Variants in GALNT13 observed in about 807,000 individuals in gnomAD.
The protein encoded by GALNT13 is polypeptide N-acetylgalactosaminyltransferase 13, also known as UDP-GalNAc:polypeptide N-acetylgalactosaminyltransferase 13.
In GALNT13, 28 loss-of-function variants were observed where a neutral mutation model predicts 64.2. The observed-to-expected ratio is 0.44, with a 90% CI of 0.32 to 0.60. GALNT13 has a LOEUF of 0.60. Among genes scored for constraint, GALNT13 ranks in the 20% least tolerant of loss-of-function variants. GALNT13 has a pLI of 0.05. For missense variants in GALNT13, 577 were observed against 669.8 expected (o/e 0.86, Z 1.53); for synonymous variants, 214 against 224.6 (o/e 0.95, Z 0.42).
chr2:153,652,051 G>A, the GALNT13 span, among the ~76,000 whole-genome samples: 1 of 152,096 alleles, frequency 6.6e-6, no homozygotes, highest in Admixed American at 6.6e-5. Flanking sequence ...AGAGCAGCAA[G>A]AGTTATCATC....
chr2:153,845,602 GATATTTAAACT>G, the GALNT13 span, among the ~76,000 whole-genome samples: 6 of 152,278 alleles, frequency 3.9e-5, no homozygotes, highest in South Asian at 2.1e-4. Context: ...GACGGGGACA[GATATTTAAACT>G]ATATCAAGAG....
At chr2:154,072,699 T>A (rs1418859489) in intron 3 of GALNT13, among the ~76,000 whole-genome samples, 6 of 152,040 alleles carry the variant, frequency 3.9e-5, no homozygotes, top group African/African-American at 1.2e-4. Flanking sequence ...ATCTGTCTAC[T>A]CCTTACAGCA....
At chr2:153,921,894 C>CA (rs1194695904) in intron 2 of GALNT13, among the ~76,000 whole-genome samples, 7 of 150,928 alleles carry the variant, frequency 4.6e-5, no homozygotes, top group Non-Finnish European at 8.8e-5. Context: ...CTATGGATGG[C>CA]AAATAAGATG....
chr2:154,070,696 T>A (rs1399954413), intron 3 of GALNT13, among the ~76,000 whole-genome samples: 1 of 152,050 alleles, frequency 6.6e-6, no homozygotes, highest in Admixed American at 6.6e-5. Flanking sequence ...GGCAGGCAGA[T>A]CACTTGAGGT....
rs372188560 is a variant in GALNT13 at position 154,125,175 on chromosome 2, A to T, written c.143-15162A>T. Among the ~76,000 whole-genome samples, 37 of 152,320 alleles carry T rather than the reference A, an allele frequency of 2.4e-4. 1 individual carries two copies. The South Asian group carries it at 7.7e-3, about 32-fold the overall frequency. ...GTGCCTAGCACATGAGCACAGCATAAGTGTTACCTCTTTCGTTATTGTATA... is the reference window on the plus strand; with the variant it reads ...GTGCCTAGCACATGAGCACAGCATATGTGTTACCTCTTTCGTTATTGTATA... On this transcript the variant is annotated intron_variant, in intron 3 of 12. Coordinates refer to ENST00000392825, the MANE Select transcript of GALNT13 (RefSeq NM_052917.4).
chr2:153,418,844 C>T, the GALNT13 span, among the ~76,000 whole-genome samples: 3 of 151,948 alleles, frequency 2.0e-5, no homozygotes, highest in East Asian at 5.8e-4. Context: ...GGCGATAGAG[C>T]CAGACCTTGT....
intron 11 of GALNT13, among the ~76,000 whole-genome samples, chr2:154,429,745 C>T (rs1700629252): frequency 6.6e-6 from 1 of 152,192 alleles, no homozygotes; most frequent in African/African-American, 2.4e-5. Flanking sequence ...AAGTCATTGC[C>T]TAGCTTCAAA....
At chr2:153,950,281 C>T (rs1438282002) in intron 3 of GALNT13, among the ~76,000 whole-genome samples, 1 of 151,400 alleles carries the variant, frequency 6.6e-6, no homozygotes, top group Non-Finnish European at 1.5e-5. Flanking sequence ...CCAAATAACC[C>T]AATAGAAAAA....
At chr2:153,584,597 T>C in the GALNT13 span, among the ~76,000 whole-genome samples, 1 of 152,196 alleles carries the variant, frequency 6.6e-6, no homozygotes, top group African/African-American at 2.4e-5. Context: ...CTCACTCACT[T>C]GGTATACTGC....
At chr2:153,235,675 T>C in the GALNT13 span, among the ~76,000 whole-genome samples, 1 of 152,120 alleles carries the variant, frequency 6.6e-6, no homozygotes, top group African/African-American at 2.4e-5. Context: ...TCCACCCCCT[T>C]GCTAAAGGAT....
chr2:154,021,542 T>C (rs377004179), intron 3 of GALNT13, among the ~76,000 whole-genome samples: 12 of 152,234 alleles, frequency 7.9e-5, no homozygotes, highest in African/African-American at 2.4e-4. Flanking sequence ...GATTTTTGTA[T>C]ATTGATTTTG....
chr2:153,310,313 G>A, the GALNT13 span, among the ~76,000 whole-genome samples: 1 of 152,088 alleles, frequency 6.6e-6, no homozygotes, highest in Non-Finnish European at 1.5e-5. Context: ...AACCAACCAT[G>A]CATATAAGCT....
At chr2:154,114,348 A>G (rs1703160524) in intron 3 of GALNT13, among the ~76,000 whole-genome samples, 1 of 151,762 alleles carries the variant, frequency 6.6e-6, no homozygotes, top group South Asian at 2.1e-4. Flanking sequence ...TCAGGGACCC[A>G]CTGGACCCAC....
chr2:154,441,264 AG>A (rs1701281049), intron 12 of GALNT13, among the ~76,000 whole-genome samples: 3 of 152,176 alleles, frequency 2.0e-5, no homozygotes, highest in Admixed American at 6.5e-5. Flanking sequence ...AGAGAGGGAA[AG>A]GGAGCAAAAG....
chr2:153,119,075 T>C, the GALNT13 span, among the ~76,000 whole-genome samples: 10 of 152,106 alleles, frequency 6.6e-5, no homozygotes, highest in African/African-American at 2.4e-4. Flanking sequence ...GCTGCCACCA[T>C]GTGAAGAAGA....
chr2:153,478,244 G>GCC, the GALNT13 span: 1 of 1,611,558 alleles, frequency 6.2e-7, no homozygotes, highest in Non-Finnish European at 8.5e-7. Flanking sequence ...GGTCAGTAGG[G>GCC]CCCCACGACC....
chr2:154,184,863 T>G (rs1686167418), intron 4 of GALNT13, among the ~76,000 whole-genome samples: 1 of 152,160 alleles, frequency 6.6e-6, no homozygotes, highest in Admixed American at 6.6e-5. Flanking sequence ...TAATCTTAAC[T>G]TTTATATTAG....
chr2:153,248,823 AAAAAAG>A, the GALNT13 span, among the ~76,000 whole-genome samples: 4 of 43,884 alleles, frequency 9.1e-5, no homozygotes, highest in Non-Finnish European at 1.7e-4. Flanking sequence ...CTCGAAAAAA[AAAAAAG>A]AAAAAAAAGA....
the GALNT13 span, among the ~76,000 whole-genome samples, chr2:153,366,618 A>T: frequency 2.3e-3 from 356 of 151,900 alleles, 2 homozygotes; most frequent in African/African-American, 8.3e-3. Flanking sequence ...TGACTATTTG[A>T]AGAAGTGATG....
Sources: allele counts gnomAD v4.1 joint callset (sites outside exome capture counted in the v4.1 genomes callset), GRCh38; gene constraint gnomAD v4.1.1; transcripts MANE v1.5; gene names NCBI Gene and HGNC (gene_info 2026-07-23, HGNC 2026-07-21).